ASXL3: variants seen among roughly 807,000 people sequenced by gnomAD.
ASXL3 encodes ASXL transcriptional regulator 3, also known as putative Polycomb group protein ASXL3.
A neutral mutation model predicts 170.6 loss-of-function variants in ASXL3; 34 were observed. The ratio of observed to expected loss-of-function variants is 0.20; its 90% CI spans 0.15 to 0.27. The LOEUF (loss-of-function observed/expected upper bound fraction) is 0.27, where lower values mean the gene tolerates loss of function less well. ASXL3 is among the 10% of genes least tolerant of loss of function. ASXL3 has a pLI of 1.00. For missense variants in ASXL3, 2,592 were observed against 2,695.3 expected (o/e 0.96, Z 0.85); for synonymous variants, 1,002 against 989.1 (o/e 1.01, Z -0.24).
chr18:33,607,814 A>C (rs955303166), intron 2 of ASXL3, 138 bp downstream of exon 2: 1 of 705,904 alleles, frequency 1.4e-6, no homozygotes, highest in Admixed American at 2.9e-5. Flanking sequence ...CTAATTAAGA[A>C]ATCGTTGGAT....
Position 33,739,312 on chromosome 18 carries a change from A to G in ASXL3, c.1908A>G (p.Ser636=). 6.2e-7 allele frequency: 1 copy of G among 1,613,592 alleles called. No individual in the cohort carries two copies. Among genetic ancestry groups the G allele is most frequent in the Non-Finnish European group, 8.5e-7 (1 of 1,179,688 alleles). ...CAGGAGGGGAAACACAGTCCACATC[A>G]GAAGAATCATGTACTCCAGCCTCCC... ...PSPGGETQST[S]EESCTPASLE... is the part of the protein sequence containing the mutation. Residue 636 remains serine (S), a synonymous_variant, in exon 11 of 12, where the codon TCA becomes TCG. Coordinates refer to ENST00000269197, the MANE Select transcript of ASXL3 (RefSeq NM_030632.3).
At chr18:33,621,726 A>G (rs2065516051) in intron 2 of ASXL3, among the ~76,000 whole-genome samples, 1 of 152,130 alleles carries the variant, frequency 6.6e-6, no homozygotes, top group African/African-American at 2.4e-5. Flanking sequence ...GCAGAGAGAA[A>G]TCATTGAATT....
intron 1 of ASXL3, among the ~76,000 whole-genome samples, chr18:33,602,034 T>C (rs1458315952): frequency 1.3e-5 from 2 of 151,818 alleles, no homozygotes; most frequent in Non-Finnish European, 2.9e-5. Flanking sequence ...ACTCCTGGGC[T>C]CAAACGATCT....
chr18:33,744,342 G>A lies in ASXL3; in HGVS notation c.4494G>A (p.Leu1498=). 1.2e-6 allele frequency: 2 copies of A among 1,613,998 alleles called. No individual in the cohort carries two copies. Among genetic ancestry groups the A allele is most frequent in the Non-Finnish European group, 1.7e-6 (2 of 1,179,882 alleles). ...TVSVESSEAS[L]DLQGRPVRTE... ...CCGTTGAAAGCTCAGAAGCCAGCTT[G>A]GACCTGCAGGGCAGACCAGTGAGGA... Residue 1498 remains leucine, a synonymous_variant, in exon 12 of 12, where the codon TTG becomes TTA. Coordinates refer to ENST00000269197, the MANE Select transcript of ASXL3 (RefSeq NM_030632.3).
chr18:33,631,997 G>A (rs1283098680), intron 2 of ASXL3, among the ~76,000 whole-genome samples: 1 of 152,084 alleles, frequency 6.6e-6, no homozygotes, highest in East Asian at 1.9e-4. Flanking sequence ...AAAGTGCTTA[G>A]AGTTATGTTC....
intron 8 of ASXL3, among the ~76,000 whole-genome samples, chr18:33,691,459 G>A (rs545259347): frequency 6.6e-6 from 1 of 152,298 alleles, no homozygotes; most frequent in South Asian, 2.1e-4. Context: ...GACCTTGTGA[G>A]GAAGTTGAGT....
Position 33,644,895 on chromosome 18 carries a change from G to A in ASXL3, c.139G>A (p.Gly47Arg). The change falls in exon 3 of 12, where the codon GGA becomes AGA. Residue 47 changes from glycine (G) to arginine (R), a missense_variant and splice_region_variant. Transcript: ENST00000269197. ...IQKEGLKETS[G>R]TSPLACLNAM... ...TTTTTGCACACTTTTATTTTCTAGT[G>A]GAACCTCTCCATTAGCCTGTCTGAA... The A allele has an allele frequency of 6.4e-7, 1 of 1,554,172 alleles. No individual in the cohort carries two copies. The highest frequency in any genetic ancestry group is 1.2e-5 in the South Asian group (1 of 83,880).
intron 5 of ASXL3, among the ~76,000 whole-genome samples, chr18:33,664,972 A>G (rs1469297495): frequency 6.6e-6 from 1 of 152,214 alleles, no homozygotes; most frequent in African/African-American, 2.4e-5. Flanking sequence ...CTGCATAAGC[A>G]TATTCAGAAG....
intron 1 of ASXL3, chr18:33,605,481 T>TCCTG (rs1403462157): frequency 6.6e-6 from 1 of 152,218 alleles, no homozygotes; most frequent in Non-Finnish European, 1.5e-5. Flanking sequence ...ATCATTTCCT[T>TCCTG]CCTGCCTCTC....
chr18:33,593,874 T>C (rs374915545), intron 1 of ASXL3, among the ~76,000 whole-genome samples: 68 of 152,330 alleles, frequency 4.5e-4, no homozygotes, highest in African/African-American at 1.5e-3. Context: ...ACCTCTGAAT[T>C]GCTAAGGTCA....
rs1046063395 is a variant in ASXL3 at position 33,620,461 on chromosome 18, C to T, written c.137+12785C>T. 7.9e-5 allele frequency among the ~76,000 whole-genome samples: 12 copies of T among 152,188 alleles called. No homozygotes were observed. The South Asian group carries it at 1.7e-3, about 21-fold the overall frequency. ...CCCACTCTCCCACTCTCCCCCACTACGAGAAGGAAAGTACTGAACAAGAAT... is the reference window on the plus strand; with the variant it reads ...CCCACTCTCCCACTCTCCCCCACTATGAGAAGGAAAGTACTGAACAAGAAT... On this transcript the variant is annotated intron_variant, in intron 2 of 11. Coordinates refer to ENST00000269197, the MANE Select transcript of ASXL3 (RefSeq NM_030632.3).
At chr18:33,731,210 CAAA>C (rs5823916) in intron 8 of ASXL3, among the ~76,000 whole-genome samples, 1 of 151,672 alleles carries the variant, frequency 6.6e-6, no homozygotes, top group Non-Finnish European at 1.5e-5. Flanking sequence ...CAAAAACAAA[CAAA>C]AAAGTGAGGA....
At chr18:33,706,894 T>C (rs1249900105) in intron 8 of ASXL3, among the ~76,000 whole-genome samples, 1 of 151,914 alleles carries the variant, frequency 6.6e-6, no homozygotes, top group Non-Finnish European at 1.5e-5. Context: ...GATGTACTTA[T>C]GCTACATTTA....
chr18:33,595,033 T>C (rs1456416146), intron 1 of ASXL3, among the ~76,000 whole-genome samples: 1 of 152,178 alleles, frequency 6.6e-6, no homozygotes, highest in Non-Finnish European at 1.5e-5. Context: ...TTTGCTTAAG[T>C]CTACTGGTCT....
At chr18:33,714,337 C>T (rs760485498) in intron 8 of ASXL3, among the ~76,000 whole-genome samples, 2 of 152,074 alleles carry the variant, frequency 1.3e-5, no homozygotes, top group East Asian at 1.9e-4. Flanking sequence ...AGGCAGGTCC[C>T]GGGATCATGG....
At chr18:33,629,377 C>T (rs2065644992) in intron 2 of ASXL3, among the ~76,000 whole-genome samples, 1 of 152,056 alleles carries the variant, frequency 6.6e-6, no homozygotes, top group South Asian at 2.1e-4. Context: ...AAATAAGATG[C>T]TTGCCAAATG....
intron 2 of ASXL3, among the ~76,000 whole-genome samples, chr18:33,610,716 C>T (rs9967132): frequency 0.096 from 14,610 of 152,096 alleles, 978 homozygotes; most frequent in African/African-American, 0.19. Context: ...ATTCTCAAGA[C>T]GTTAATTTGC....
chr18:33,707,114 C>T (rs1046864560), intron 8 of ASXL3, among the ~76,000 whole-genome samples: 2 of 151,518 alleles, frequency 1.3e-5, no homozygotes, highest in Non-Finnish European at 3.0e-5. Context: ...TTTGTCTGTC[C>T]TTACACCAAA....
chr18:33,644,471 T>G (rs1312873366), intron 2 of ASXL3, among the ~76,000 whole-genome samples: 7 of 150,780 alleles, frequency 4.6e-5, no homozygotes, highest in Non-Finnish European at 7.4e-5. Flanking sequence ...ACTTGGTGGG[T>G]TTTTTTGTTT....
Sources: allele counts gnomAD v4.1 joint callset (sites outside exome capture counted in the v4.1 genomes callset), GRCh38; gene constraint gnomAD v4.1.1; transcripts MANE v1.5; gene names NCBI Gene and HGNC (gene_info 2026-07-23, HGNC 2026-07-21).